Variants in CHN2 observed in about 807,000 individuals in gnomAD.
CHN2 encodes chimerin 2, also known as beta-chimaerin.
A neutral mutation model predicts 56.3 loss-of-function variants in CHN2; 35 were observed. The ratio of observed to expected loss-of-function variants is 0.62; its 90% CI spans 0.47 to 0.82. CHN2 has a LOEUF of 0.82. Among genes scored for constraint, CHN2 ranks in the 40% least tolerant of loss-of-function variants. The pLI is 0.00. For missense variants in CHN2, 491 were observed against 580.5 expected, an observed-to-expected ratio of 0.85 and a Z score of 1.58; for synonymous variants, 210 against 212.8, an observed-to-expected ratio of 0.99 and a Z score of 0.12.
chr7:29,485,519 G>A (rs914625526), intron 7 of CHN2, among the ~76,000 whole-genome samples: 1 of 152,078 alleles, frequency 6.6e-6, no homozygotes, highest in African/African-American at 2.4e-5. Context: ...CAGTGTGGTT[G>A]TTCTCTCAGC....
At chr7:29,217,911 G>A (rs1041232856) in intron 1 of CHN2, among the ~76,000 whole-genome samples, 2 of 152,060 alleles carry the variant, frequency 1.3e-5, no homozygotes, top group Non-Finnish European at 2.9e-5. Flanking sequence ...TGAGAGTAGA[G>A]CAGTTTAACC....
At chr7:29,456,641 C>G (rs1400207148) in intron 6 of CHN2, among the ~76,000 whole-genome samples, 2 of 144,736 alleles carry the variant, frequency 1.4e-5, no homozygotes, top group East Asian at 4.5e-4. Flanking sequence ...CACCAACACC[C>G]CTCTTCTCGC....
chr7:29,323,994 A>AC (rs1386757987), intron 1 of CHN2, among the ~76,000 whole-genome samples: 1 of 151,174 alleles, frequency 6.6e-6, no homozygotes, highest in Non-Finnish European at 1.5e-5. Flanking sequence ...ACAGAGCGAG[A>AC]CCCCGTCTCA....
chr7:29,362,639 CTCA>C (rs1300422658), intron 2 of CHN2, among the ~76,000 whole-genome samples: 1 of 152,190 alleles, frequency 6.6e-6, no homozygotes, highest in Admixed American at 6.5e-5. Context: ...GACCAGTCAG[CTCA>C]TCATTTCCTT....
intron 2 of CHN2, among the ~76,000 whole-genome samples, chr7:29,356,394 T>C (rs1798319542): frequency 6.6e-6 from 1 of 152,110 alleles, no homozygotes; most frequent in Non-Finnish European, 1.5e-5. Context: ...AAGACAGATA[T>C]TAGGGAAATA....
At chr7:29,363,378 G>A (rs998609256) in intron 2 of CHN2, among the ~76,000 whole-genome samples, 10 of 152,178 alleles carry the variant, frequency 6.6e-5, no homozygotes, top group African/African-American at 1.9e-4. Context: ...CCAGCTACTC[G>A]GGAGGCTGAA....
At chr7:29,457,134 C>T (rs190002984) in intron 6 of CHN2, among the ~76,000 whole-genome samples, 12 of 152,302 alleles carry the variant, frequency 7.9e-5, no homozygotes, top group Non-Finnish European at 1.5e-4. Flanking sequence ...AGCTCGGGAA[C>T]GTGAGGCCCC....
intron 1 of CHN2, among the ~76,000 whole-genome samples, chr7:29,203,577 T>C (rs1023153154): frequency 1.3e-5 from 2 of 152,146 alleles, no homozygotes; most frequent in African/African-American, 4.8e-5. Context: ...TACTAGAATA[T>C]TTGAAGTTAC....
intron 1 of CHN2, among the ~76,000 whole-genome samples, chr7:29,277,742 T>A (rs1476879402): frequency 6.6e-6 from 1 of 152,214 alleles, no homozygotes; most frequent in Non-Finnish European, 1.5e-5. Flanking sequence ...TTACACCACA[T>A]GTGCCAGGCC....
intron 10 of CHN2, among the ~76,000 whole-genome samples, chr7:29,505,292 G>A (rs1390442829): frequency 1.3e-5 from 2 of 152,180 alleles, no homozygotes; most frequent in African/African-American, 4.8e-5. Context: ...ATGGGTCACT[G>A]GGACCCAACT....
Position 29,311,450 on chromosome 7 carries a change from A to G in CHN2, c.50-43175A>G, listed in dbSNP as rs563759505. ...ACTTACTTTGTGCCAGGTACTTTAT[A>G]TTTCTCCCGTATCCTGGCTGTATCC... is the stretch of plus-strand genomic sequence containing the variant. On this transcript the variant is annotated intron_variant, in intron 1 of 12. Transcript: ENST00000222792. 3.9e-5 allele frequency among the ~76,000 whole-genome samples: 6 copies of G among 152,072 alleles called. No individual in the cohort carries two copies. The South Asian group carries it at 1.2e-3, about 32-fold the overall frequency.
At chr7:29,398,321 T>C in intron 4 of CHN2, 52 bp from the exon 5 acceptor site, 2 of 1,352,960 alleles carry the variant, frequency 1.5e-6, no homozygotes, top group Non-Finnish European at 2.1e-6. Context: ...TTCTTTGTGG[T>C]CCTTATTCTG....
intron 1 of CHN2, among the ~76,000 whole-genome samples, chr7:29,284,985 G>T (rs1471666138): frequency 1.3e-5 from 2 of 152,176 alleles, no homozygotes; most frequent in African/African-American, 4.8e-5. Context: ...TAGCCCAGTT[G>T]TTTAATCAAA....
intron 2 of CHN2, among the ~76,000 whole-genome samples, chr7:29,168,406 A>G (rs1481957152): frequency 6.6e-6 from 1 of 152,210 alleles, no homozygotes; most frequent in African/African-American, 2.4e-5. Flanking sequence ...TCAAGCATAC[A>G]AAATAGAATA....
At chr7:29,184,613 A>G (rs1376216188) in intron 2 of CHN2, 1 of 152,200 alleles carries the variant, frequency 6.6e-6, no homozygotes, top group Non-Finnish European at 1.5e-5. Context: ...TCTTACTCTC[A>G]AGGGAGGGTC....
chr7:29,499,305 G>A (rs1266298248), intron 8 of CHN2, among the ~76,000 whole-genome samples: 3 of 152,120 alleles, frequency 2.0e-5, no homozygotes, highest in South Asian at 2.1e-4. Context: ...AAAGGAAAGC[G>A]GCCTACCCAA....
At chr7:29,306,255 T>C (rs1562905397) in intron 1 of CHN2, among the ~76,000 whole-genome samples, 1 of 152,222 alleles carries the variant, frequency 6.6e-6, no homozygotes, top group Admixed American at 6.5e-5. Context: ...AGCATTCTAT[T>C]GCCTTATCAG....
At chr7:29,418,169 C>T (rs914270598) in intron 6 of CHN2, among the ~76,000 whole-genome samples, 1 of 152,210 alleles carries the variant, frequency 6.6e-6, no homozygotes, top group Non-Finnish European at 1.5e-5. Context: ...TTTGTCCTTT[C>T]GTGGAAGTTC....
At chr7:29,219,539 A>G (rs977060889) in intron 1 of CHN2, among the ~76,000 whole-genome samples, 1 of 152,204 alleles carries the variant, frequency 6.6e-6, no homozygotes, top group African/African-American at 2.4e-5. Flanking sequence ...TTCCTATTAA[A>G]AGATTGCCAG....
Sources: gnomAD v4.1 joint callset for allele counts (sites outside exome capture counted in the v4.1 genomes callset) on GRCh38, gnomAD v4.1.1 for gene constraint, MANE v1.5 for transcripts, NCBI Gene and HGNC (gene_info 2026-07-23, HGNC 2026-07-21) for gene names.